GRID1: variants seen among roughly 807,000 people sequenced by gnomAD.
GRID1 encodes glutamate ionotropic receptor delta type subunit 1.
GRID1 carries 28 observed loss-of-function variants against 98.0 expected under a neutral mutation model. The observed-to-expected ratio is 0.29, with a 90% CI of 0.21 to 0.39. The LOEUF (loss-of-function observed/expected upper bound fraction) is 0.39. Among genes scored for constraint, GRID1 ranks in the 10% least tolerant of loss-of-function variants. GRID1 has a pLI of 1.00. For synonymous variants in GRID1, 553 were observed against 538.5 expected (o/e 1.03, Z -0.37); for missense variants, 1,111 against 1,340.5 (o/e 0.83, Z 2.67).
chr10:86,296,921 A>G (rs1457979348), intron 2 of GRID1, among the ~76,000 whole-genome samples: 1 of 152,222 alleles, frequency 6.6e-6, no homozygotes, highest in Non-Finnish European at 1.5e-5. Flanking sequence ...AACAAAGAGT[A>G]TAACTATTTA....
chr10:85,869,007 G>T lies in GRID1; in HGVS notation c.951+3C>A. 1 of 1,612,088 alleles carries T rather than the reference G, an allele frequency of 6.2e-7. No individual in the cohort carries two copies. Among genetic ancestry groups the T allele is most frequent in the Non-Finnish European group, 8.5e-7 (1 of 1,178,648 alleles). ...GACTGGAGAGAAGAGGCTGAGCACT[G>T]ACCTGCAGCATCTGGAGGTAGCCTT... On this transcript the variant is annotated splice_donor_region_variant and intron_variant, in intron 6 of 15. Transcript: ENST00000327946.
At position 85,867,643 on chromosome 10, in the gene GRID1, C is replaced by T. The variant is rs144704144; in HGVS notation, c.951+1367G>A. ...GCAGAATAAACCAGCAGCATCTCAA[C>T]GTAAACTCTTGCCTTTCACTCTGAC... On this transcript the variant is annotated intron_variant, in intron 6 of 15. Coordinates refer to ENST00000327946, the MANE Select transcript of GRID1 (RefSeq NM_017551.3). Among the ~76,000 whole-genome samples, 381 of 152,352 alleles carry T rather than the reference C, an allele frequency of 2.5e-3. 3 individuals carry two copies. Among genetic ancestry groups the T allele is most frequent in the African/African-American group, 8.9e-3 (369 of 41,574 alleles).
intron 2 of GRID1, among the ~76,000 whole-genome samples, chr10:86,348,534 G>C (rs950909401): frequency 9.9e-5 from 15 of 152,236 alleles, no homozygotes; most frequent in Non-Finnish European, 2.2e-4. Flanking sequence ...TGACCCTGCA[G>C]GCCAGCAGCC....
chr10:86,273,381 A>G (rs1450170122), intron 2 of GRID1, among the ~76,000 whole-genome samples: 1 of 138,664 alleles, frequency 7.2e-6, no homozygotes, highest in Non-Finnish European at 1.6e-5. Flanking sequence ...ATACGTCTGC[A>G]TGTGTCTTTA....
intron 4 of GRID1, among the ~76,000 whole-genome samples, chr10:85,978,764 A>T (rs1842506585): frequency 6.6e-6 from 1 of 152,234 alleles, no homozygotes; most frequent in South Asian, 2.1e-4. Context: ...AGCAGCAAGC[A>T]GTGTGCTGAT....
rs868335251 is a variant in GRID1, at chr10:85,772,905, C to A, written c.1234-43291G>T. Among the ~76,000 whole-genome samples the A allele has an allele frequency of 3.3e-5, 5 of 152,180 alleles. No individual in the cohort carries two copies. In the South Asian group the frequency reaches 6.2e-4, roughly 19 times the overall value. ...ATTCTACCACAGGTACAGGGAGGAA[C>A]TGGTACCATTCCTTCTGAAACTATT... is the stretch of plus-strand genomic sequence containing the variant. On this transcript the variant is annotated intron_variant, in intron 8 of 15. Transcript: ENST00000327946.
chr10:85,985,160 C>G (rs1842593916), intron 4 of GRID1, among the ~76,000 whole-genome samples: 1 of 152,130 alleles, frequency 6.6e-6, no homozygotes, highest in African/African-American at 2.4e-5. Context: ...CAAATTAGAA[C>G]CACTGGCATA....
intron 2 of GRID1, among the ~76,000 whole-genome samples, chr10:86,307,033 A>T (rs1847767849): frequency 6.6e-6 from 1 of 152,254 alleles, no homozygotes; most frequent in Admixed American, 6.5e-5. Context: ...TCCCCAGATG[A>T]TGACAAGTAT....
chr10:86,178,844 G>A (rs905394722), intron 3 of GRID1, among the ~76,000 whole-genome samples: 2 of 152,128 alleles, frequency 1.3e-5, no homozygotes, highest in African/African-American at 4.8e-5. Flanking sequence ...CCATGTCCAG[G>A]GAAGCCTTAG....
intron 2 of GRID1, among the ~76,000 whole-genome samples, chr10:86,237,192 C>T (rs1846553039): frequency 1.3e-5 from 2 of 152,118 alleles, no homozygotes; most frequent in South Asian, 2.1e-4. Flanking sequence ...CCTTAAAATG[C>T]CCTAACCCCC....
At chr10:86,160,702 G>A (rs1439423328) in intron 3 of GRID1, among the ~76,000 whole-genome samples, 1 of 152,212 alleles carries the variant, frequency 6.6e-6, no homozygotes, top group Non-Finnish European at 1.5e-5. Context: ...GGAACCATGT[G>A]CTCCCTCATA....
intron 4 of GRID1, among the ~76,000 whole-genome samples, chr10:86,069,617 T>C (rs1843773067): frequency 6.6e-6 from 1 of 152,040 alleles, no homozygotes; most frequent in African/African-American, 2.4e-5. Flanking sequence ...CACTGCACTC[T>C]AGCCTGGGAG....
At chr10:85,696,965 G>T (rs1841401628) in intron 12 of GRID1, among the ~76,000 whole-genome samples, 1 of 151,900 alleles carries the variant, frequency 6.6e-6, no homozygotes, top group South Asian at 2.1e-4. Flanking sequence ...GATTTTTAAA[G>T]TAATTAATTG....
At chr10:85,808,603 C>A (rs1004864379) in intron 8 of GRID1, among the ~76,000 whole-genome samples, 1 of 152,214 alleles carries the variant, frequency 6.6e-6, no homozygotes, top group East Asian at 1.9e-4. Flanking sequence ...TTAAGTGACA[C>A]ATAAGGGAGG....
intron 12 of GRID1, among the ~76,000 whole-genome samples, chr10:85,710,485 G>T (rs561675500): frequency 2.0e-5 from 3 of 152,038 alleles, no homozygotes; most frequent in Non-Finnish European, 4.4e-5. Context: ...CTGGCTCAAA[G>T]ATTTAAATTT....
chr10:86,071,980 G>A (rs981544617), intron 4 of GRID1, among the ~76,000 whole-genome samples: 2 of 152,322 alleles, frequency 1.3e-5, no homozygotes, highest in East Asian at 1.9e-4. Context: ...GATGCCAAGA[G>A]AGGGGAGAAG....
intron 8 of GRID1, among the ~76,000 whole-genome samples, chr10:85,832,726 C>T (rs1210037181): frequency 6.6e-6 from 1 of 152,128 alleles, no homozygotes; most frequent in African/African-American, 2.4e-5. Context: ...CCCCCAACAA[C>T]ATAAAAAATG....
chr10:86,085,008 G>A (rs7075712), intron 4 of GRID1, among the ~76,000 whole-genome samples: 14,493 of 152,252 alleles, frequency 0.095, 858 homozygotes, highest in African/African-American at 0.17. Flanking sequence ...AATGGTTAAC[G>A]TGGTAAATCT....
rs1462301893 is a variant in GRID1 at position 85,856,016 on chromosome 10, C to T, written c.1113+13G>A. 3.7e-6 allele frequency: 6 copies of T among 1,612,158 alleles called. No homozygotes were observed. The highest frequency in any genetic ancestry group is 5.1e-6 in the Non-Finnish European group (6 of 1,179,476). On this transcript the variant is annotated intron_variant, in intron 7 of 15. Transcript: ENST00000327946. ...TGTCTTTGGCCAGGTTGGGGGTGCC[C>T]CCTCACACGTACCTTTTTGATGGTA... is the stretch of plus-strand genomic sequence containing the variant.
Sources: allele counts gnomAD v4.1 joint callset (sites outside exome capture counted in the v4.1 genomes callset), GRCh38; gene constraint gnomAD v4.1.1; transcripts MANE v1.5; gene names NCBI Gene and HGNC (gene_info 2026-07-23, HGNC 2026-07-21).